The following TRIM2 variants were observed in gnomAD, a reference collection of about 807,000 sequenced individuals.
TRIM2 encodes the protein tripartite motif containing 2.
Under a neutral mutation model 75.2 loss-of-function variants are expected in TRIM2, and 20 were observed. That is an observed-to-expected ratio of 0.27 (90% CI 0.19 to 0.39). The LOEUF is 0.39. Among genes scored for constraint, TRIM2 ranks in the 10% least tolerant of loss-of-function variants. TRIM2 has a pLI of 1.00. For missense variants in TRIM2, 660 were observed against 990.8 expected, an observed-to-expected ratio of 0.67 and a Z score of 4.48; for synonymous variants, 373 against 388.3, an observed-to-expected ratio of 0.96 and a Z score of 0.46.
At chr4:153,180,504 T>G (rs1030649672) in intron 1 of TRIM2, among the ~76,000 whole-genome samples, 4 of 152,026 alleles carry the variant, frequency 2.6e-5, no homozygotes, top group African/African-American at 4.8e-5. Context: ...TTTTGTTTGT[T>G]TATTTGTTTG....
chr4:153,299,883 C>A (rs898625903), intron 6 of TRIM2, among the ~76,000 whole-genome samples: 2 of 152,182 alleles, frequency 1.3e-5, no homozygotes, highest in Non-Finnish European at 2.9e-5. Flanking sequence ...ACTGTGTGGT[C>A]CAACCCTAGC....
intron 6 of TRIM2, among the ~76,000 whole-genome samples, chr4:153,300,549 A>AT (rs879835705): frequency 5.1e-4 from 75 of 147,192 alleles, no homozygotes; most frequent in Middle Eastern, 3.5e-3. Context: ...GATGTTCAAC[A>AT]TTTTTTTTTT....
At chr4:153,298,197 G>A (rs925681382) in intron 6 of TRIM2, among the ~76,000 whole-genome samples, 3 of 152,218 alleles carry the variant, frequency 2.0e-5, no homozygotes, top group Non-Finnish European at 4.4e-5. Flanking sequence ...ACAGTGCCTG[G>A]CATGCAGCAC....
chr4:153,244,470 G>A (rs1404327118), intron 1 of TRIM2, among the ~76,000 whole-genome samples: 7 of 139,710 alleles, frequency 5.0e-5, no homozygotes, highest in South Asian at 2.4e-4. Flanking sequence ...TATGTTGCCC[G>A]AGCTGATCTT....
intron 1 of TRIM2, among the ~76,000 whole-genome samples, chr4:153,212,489 C>T (rs1024070790): frequency 3.6e-4 from 55 of 152,076 alleles, no homozygotes; most frequent in African/African-American, 1.2e-3. Flanking sequence ...TTCACCATTA[C>T]GCAATATTTC....
intron 1 of TRIM2, among the ~76,000 whole-genome samples, chr4:153,211,932 G>A (rs1737138235): frequency 6.6e-6 from 1 of 152,160 alleles, no homozygotes; most frequent in South Asian, 2.1e-4. Context: ...TGTCTCCCAA[G>A]ATGGTTTGTT....
At chr4:153,155,695 T>C (rs1220468136) in intron 1 of TRIM2, among the ~76,000 whole-genome samples, 2 of 152,186 alleles carry the variant, frequency 1.3e-5, no homozygotes, top group Non-Finnish European at 2.9e-5. Context: ...CAGCCATTCT[T>C]TACCCTAGCT....
intron 6 of TRIM2, among the ~76,000 whole-genome samples, chr4:153,311,602 T>C (rs758629381): frequency 2.0e-5 from 3 of 152,106 alleles, no homozygotes; most frequent in Non-Finnish European, 4.4e-5. Context: ...CACTTTCAAT[T>C]TTATATAAGC....
chr4:153,276,365 G>GT (rs1758032183), intron 3 of TRIM2: 7 of 557,352 alleles, frequency 1.3e-5, no homozygotes, highest in Non-Finnish European at 2.2e-5. Context: ...GGTATCCCCA[G>GT]GACAGCAAAC....
chr4:153,170,722 C>A (rs538286310), intron 1 of TRIM2, among the ~76,000 whole-genome samples: 67 of 152,272 alleles, frequency 4.4e-4, no homozygotes, highest in African/African-American at 1.5e-3. Flanking sequence ...CCAGATTGAA[C>A]CCTATGCCAG....
chr4:153,311,254 C>G (rs1766225942), intron 6 of TRIM2, among the ~76,000 whole-genome samples: 1 of 152,134 alleles, frequency 6.6e-6, no homozygotes, highest in South Asian at 2.1e-4. Context: ...CATATTTTCC[C>G]TCCTCCAACA....
intron 8 of TRIM2, among the ~76,000 whole-genome samples, chr4:153,317,885 A>C (rs1158933577): frequency 4.6e-5 from 7 of 151,800 alleles, no homozygotes; most frequent in Non-Finnish European, 1.0e-4. Context: ...GCTTGAGCCC[A>C]GAAGTTAGAG....
At chr4:153,244,355 CTCTTCTTCTTCTTCT>C (rs1209366783) in intron 1 of TRIM2, among the ~76,000 whole-genome samples, 75 of 12,684 alleles carry the variant, frequency 5.9e-3, no homozygotes, top group East Asian at 0.01. Flanking sequence ...CTTCTTCTTC[CTCTTCTTCTTCTTCT>C]TCTTCTTCTT....
At chr4:153,247,703 T>TAAAAAAA (rs1749643036) in intron 1 of TRIM2, among the ~76,000 whole-genome samples, 1 of 120,386 alleles carries the variant, frequency 8.3e-6, no homozygotes, top group Non-Finnish European at 1.8e-5. Context: ...AAAAAAAAAC[T>TAAAAAAA]GTATAGGCAT....
At chr4:153,182,492 T>C (rs908920950) in intron 1 of TRIM2, among the ~76,000 whole-genome samples, 5 of 152,182 alleles carry the variant, frequency 3.3e-5, no homozygotes, top group African/African-American at 1.2e-4. Context: ...CTCGGTTTCC[T>C]CATTTGTAAA....
rs1769449677 is a variant in TRIM2, at chr4:153,323,495, T to C, written c.1952-583T>C. Among the ~76,000 whole-genome samples the C allele has an allele frequency of 2.6e-5, 4 of 152,160 alleles. No homozygotes were observed. In the South Asian group the frequency reaches 8.3e-4, roughly 32 times the overall value. On this transcript the variant is annotated intron_variant, in intron 9 of 11. Coordinates refer to ENST00000338700, the MANE Select transcript of TRIM2 (RefSeq NM_015271.5). ...TGTTGTTTTGTTTTGTTTTGTTTTG[T>C]TTTTGAGACAGGGTCTCGCTCTGTC...
At chr4:153,323,939 C>T in intron 9 of TRIM2, 139 bp from the exon 10 acceptor site, 1 of 664,926 alleles carries the variant, frequency 1.5e-6, no homozygotes, top group Non-Finnish European at 2.5e-6. Flanking sequence ...GCTGAATGAT[C>T]TTTCAAAGAC....
In TRIM2 at chr4:153,193,011, C is replaced by T. The variant is rs182785678; in HGVS notation, c.-49+39741C>T. 3.3e-5 allele frequency among the ~76,000 whole-genome samples: 5 copies of T among 152,070 alleles called. No individual in the cohort carries two copies. The East Asian group carries it at 9.7e-4, about 29-fold the overall frequency. ...ATGGTCTATAGTTTTAGTTGTCTAT[C>T]TGTAATTGTCTGTCTACCCTAGTAG... is the stretch of plus-strand genomic sequence containing the variant. On this transcript the variant is annotated intron_variant, in intron 1 of 11. Transcript: ENST00000437508.
chr4:153,290,292 G>A (rs1451022156), intron 3 of TRIM2, among the ~76,000 whole-genome samples: 1 of 152,144 alleles, frequency 6.6e-6, no homozygotes, highest in Non-Finnish European at 1.5e-5. Flanking sequence ...TTTATGATAT[G>A]AGGCTTATAT....
Sources: gnomAD v4.1 joint callset for allele counts (sites outside exome capture counted in the v4.1 genomes callset) on GRCh38, gnomAD v4.1.1 for gene constraint, MANE v1.5 for transcripts, NCBI Gene and HGNC (gene_info 2026-07-23, HGNC 2026-07-21) for gene names.